The following TMEM132D variants were observed in gnomAD, a reference collection of about 807,000 sequenced individuals.
The protein encoded by TMEM132D is transmembrane protein 132D.
In TMEM132D, 21 loss-of-function variants were observed where a neutral mutation model predicts 62.3. That is an observed-to-expected ratio of 0.34 (90% CI 0.24 to 0.49). The LOEUF (loss-of-function observed/expected upper bound fraction) is 0.49. Among genes scored for constraint, TMEM132D ranks in the 20% least tolerant of loss-of-function variants. The pLI is 0.99. For missense variants in TMEM132D, 1,346 were observed against 1,402.8 expected (o/e 0.96, Z 0.65); for synonymous variants, 621 against 575.6 (o/e 1.08, Z -1.13).
At chr12:129,799,342 ATGTGTATATATGTGTGTG>A (rs1871671747) in intron 1 of TMEM132D, among the ~76,000 whole-genome samples, 1 of 143,228 alleles carries the variant, frequency 7.0e-6, no homozygotes, top group African/African-American at 2.6e-5. Flanking sequence ...ATGTATATAT[ATGTGTATATATGTGTGTG>A]TGTGTATATA....
chr12:129,223,595 A>G, intron 4 of TMEM132D, among the ~76,000 whole-genome samples: 1 of 152,170 alleles, frequency 6.6e-6, no homozygotes, highest in East Asian at 1.9e-4. Flanking sequence ...TGTTGTTGTA[A>G]TAAGGATACT....
intron 5 of TMEM132D, among the ~76,000 whole-genome samples, chr12:129,205,485 A>T (rs1004542717): frequency 2.0e-5 from 3 of 152,170 alleles, no homozygotes; most frequent in African/African-American, 7.2e-5. Context: ...CTATACATGC[A>T]TCCAATTCAG....
At chr12:129,492,505 T>C (rs1343597058) in intron 3 of TMEM132D, among the ~76,000 whole-genome samples, 2 of 152,194 alleles carry the variant, frequency 1.3e-5, no homozygotes, top group Non-Finnish European at 2.9e-5. Context: ...TAACTACATG[T>C]AGCCCCCATT....
chr12:129,684,672 G>A lies in TMEM132D; in HGVS notation c.968+15138C>T, dbSNP rs1880864149. Among the ~76,000 whole-genome samples, 3 of 152,040 alleles carry A rather than the reference G, an allele frequency of 2.0e-5. No individual in the cohort carries two copies. The South Asian group carries it at 6.2e-4, about 32-fold the overall frequency. ...GAACAGGAAAATGTTGGGAAGTTTG[G>A]AACTTCCTAAAGAGTTGGAGGGCTC... On this transcript the variant is annotated intron_variant, in intron 2 of 8. Coordinates refer to ENST00000422113, the MANE Select transcript of TMEM132D (RefSeq NM_133448.3).
At chr12:129,899,020 C>T (rs1213811519) in intron 1 of TMEM132D, among the ~76,000 whole-genome samples, 1 of 152,358 alleles carries the variant, frequency 6.6e-6, no homozygotes, top group South Asian at 2.1e-4. Context: ...GCTTTAGTAC[C>T]TGTCCTGTGT....
At chr12:129,216,427 CAAG>C (rs1190912556) in intron 4 of TMEM132D, among the ~76,000 whole-genome samples, 2 of 152,188 alleles carry the variant, frequency 1.3e-5, no homozygotes, top group East Asian at 3.9e-4. Context: ...GGTGTCCTTA[CAAG>C]AAGAGAAAAC....
At chr12:129,486,992 A>T (rs1467128004) in intron 3 of TMEM132D, among the ~76,000 whole-genome samples, 1 of 142,590 alleles carries the variant, frequency 7.0e-6, no homozygotes, top group Non-Finnish European at 1.5e-5. Flanking sequence ...CCTGTATTGC[A>T]GCGTGGCTGG....
At chr12:129,556,484 A>G (rs1208378630) in intron 2 of TMEM132D, among the ~76,000 whole-genome samples, 2 of 150,738 alleles carry the variant, frequency 1.3e-5, no homozygotes, top group African/African-American at 4.9e-5. Context: ...TTTCCCCCAG[A>G]GGTGTTTTAG....
At position 129,127,875 on chromosome 12, in the gene TMEM132D, G is replaced by A. The variant is rs144657151; in HGVS notation, c.1444-43173C>T. 1.9e-3 allele frequency among the ~76,000 whole-genome samples: 290 copies of A among 152,332 alleles called. 2 individuals are homozygous for A. The highest frequency in any genetic ancestry group is 6.6e-3 in the African/African-American group (276 of 41,572). On this transcript the variant is annotated intron_variant, in intron 5 of 8. Transcript: ENST00000422113. ...TGGTTACTGCCAGGGCCAGCGGCCT[G>A]CAGACGAGGCCGGCACTCACCTCTG...
At chr12:129,590,958 C>A (rs959703468) in intron 2 of TMEM132D, among the ~76,000 whole-genome samples, 1 of 152,094 alleles carries the variant, frequency 6.6e-6, no homozygotes, top group African/African-American at 2.4e-5. Context: ...AAAGTCAAGT[C>A]TTTTATTCAC....
chr12:129,767,650 C>T (rs1273430626), intron 1 of TMEM132D, among the ~76,000 whole-genome samples: 1 of 152,152 alleles, frequency 6.6e-6, no homozygotes, highest in African/African-American at 2.4e-5. Flanking sequence ...CATGATCATC[C>T]ATGTTGTAGC....
At chr12:129,681,852 T>A (rs1240678059) in intron 2 of TMEM132D, among the ~76,000 whole-genome samples, 5 of 152,326 alleles carry the variant, frequency 3.3e-5, no homozygotes, top group South Asian at 4.1e-4. Flanking sequence ...ACTGAGCTGA[T>A]TTTTGGAAAC....
At chr12:129,778,293 C>G (rs1486736517) in intron 1 of TMEM132D, among the ~76,000 whole-genome samples, 1 of 151,976 alleles carries the variant, frequency 6.6e-6, no homozygotes, top group African/African-American at 2.4e-5. Flanking sequence ...CTGTGCCAGC[C>G]CGACTCTCAT....
chr12:129,204,646 A>G (rs1289572595), intron 5 of TMEM132D, among the ~76,000 whole-genome samples: 1 of 152,250 alleles, frequency 6.6e-6, no homozygotes, highest in Non-Finnish European at 1.5e-5. Flanking sequence ...TTTGCTAGAT[A>G]TGCCAACATT....
In TMEM132D at chr12:129,650,224, T is replaced by C. The variant is rs265604; in HGVS notation, c.968+49586A>G. On this transcript the variant is annotated intron_variant, in intron 2 of 8. Transcript: ENST00000422113. ...CAACATTTACATAAAGGCTATCCTA[T>C]TGTACGCATCTACCTGTAATTTCAT... is the stretch of plus-strand genomic sequence containing the variant. Among the ~76,000 whole-genome samples the C allele has an allele frequency of 4.5e-3, 693 of 152,316 alleles. 8 individuals carry two copies. The highest frequency in any genetic ancestry group is 0.016 in the African/African-American group (661 of 41,578).
chr12:129,737,453 G>C (rs1482701302), intron 1 of TMEM132D, among the ~76,000 whole-genome samples: 1 of 152,092 alleles, frequency 6.6e-6, no homozygotes, highest in Non-Finnish European at 1.5e-5. Flanking sequence ...GTTATCAAAA[G>C]ATAAGGAATC....
At chr12:129,732,760 T>C (rs1869290966) in intron 1 of TMEM132D, among the ~76,000 whole-genome samples, 1 of 152,192 alleles carries the variant, frequency 6.6e-6, no homozygotes, top group Non-Finnish European at 1.5e-5. Flanking sequence ...TATAGCAATG[T>C]GAGAAAGGCC....
intron 1 of TMEM132D, among the ~76,000 whole-genome samples, chr12:129,772,863 C>T (rs929103386): frequency 1.3e-5 from 2 of 152,250 alleles, no homozygotes; most frequent in Non-Finnish European, 2.9e-5. Context: ...ACTCCTGGCT[C>T]GGACTTCCTC....
rs188168616 is a variant in TMEM132D at position 129,375,470 on chromosome 12, G to T, written c.1116-37653C>A. 2.0e-3 allele frequency among the ~76,000 whole-genome samples: 307 copies of T among 152,286 alleles called. 2 individuals are homozygous for T. Among genetic ancestry groups the T allele is most frequent in the African/African-American group, 6.7e-3 (280 of 41,552 alleles). On this transcript the variant is annotated intron_variant, in intron 3 of 8. Coordinates refer to ENST00000422113, the MANE Select transcript of TMEM132D (RefSeq NM_133448.3). ...TAGAGTTTGACTTAATTGGTCTGGG[G>T]TATGCATTGGGCGTGCCTTGGTATT...
Sources: allele counts gnomAD v4.1 joint callset (sites outside exome capture counted in the v4.1 genomes callset), GRCh38; gene constraint gnomAD v4.1.1; transcripts MANE v1.5; gene names NCBI Gene and HGNC (gene_info 2026-07-23, HGNC 2026-07-21).